Variants in PRUNE2 observed in about 807,000 individuals in gnomAD.
The protein encoded by PRUNE2 is prune homolog 2 with BCH domain.
PRUNE2 carries 164 observed loss-of-function variants against 252.0 expected under a neutral mutation model. That is an observed-to-expected ratio of 0.65 (90% CI 0.57 to 0.74). The LOEUF is 0.74. Ranked by LOEUF, PRUNE2 falls within the 30% of genes least tolerant of loss-of-function variation. PRUNE2 has a pLI of 0.00. For synonymous variants in PRUNE2, 1,292 were observed against 1,350.2 expected (o/e 0.96, Z 0.94); for missense variants, 3,495 against 3,711.0 (o/e 0.94, Z 1.51).
intron 6 of PRUNE2, among the ~76,000 whole-genome samples, chr9:76,792,968 AG>A (rs1001880299): frequency 1.3e-5 from 2 of 152,192 alleles, no homozygotes; most frequent in African/African-American, 2.4e-5. Flanking sequence ...TGTCCCTGAA[AG>A]GGGGGGCTTA....
intron 1 of PRUNE2, among the ~76,000 whole-genome samples, chr9:76,870,353 T>C (rs1355073238): frequency 6.6e-6 from 1 of 151,674 alleles, no homozygotes; most frequent in African/African-American, 2.4e-5. Context: ...GTTCCCTCTT[T>C]AGAGCCTCAG....
At chr9:76,902,904 G>C (rs1489042737) in intron 1 of PRUNE2, among the ~76,000 whole-genome samples, 2 of 152,146 alleles carry the variant, frequency 1.3e-5, no homozygotes, top group Non-Finnish European at 2.9e-5. Flanking sequence ...GGAGATTTAG[G>C]GAAAAGGAGG....
intron 1 of PRUNE2, chr9:76,863,389 C>G (rs548074104): frequency 6.6e-6 from 1 of 152,092 alleles, no homozygotes; most frequent in East Asian, 1.9e-4. Context: ...TATATGGACA[C>G]AAAAACATTA....
chr9:76,889,612 G>A (rs1037550126), intron 1 of PRUNE2, among the ~76,000 whole-genome samples: 4 of 152,056 alleles, frequency 2.6e-5, no homozygotes, highest in East Asian at 1.9e-4. Context: ...GACCCACCTC[G>A]TCTGGCCAAA....
At chr9:76,858,696 G>C (rs562445367) in intron 1 of PRUNE2, among the ~76,000 whole-genome samples, 4 of 150,722 alleles carry the variant, frequency 2.7e-5, no homozygotes, top group African/African-American at 9.8e-5. Context: ...ACCATGGCAC[G>C]TGTATACCTA....
At chr9:76,789,639 T>C (rs183412992) in intron 6 of PRUNE2, among the ~76,000 whole-genome samples, 2 of 152,278 alleles carry the variant, frequency 1.3e-5, no homozygotes, top group East Asian at 1.9e-4. Context: ...TTCAATTAGA[T>C]ACCACCAAGC....
chr9:76,710,606 T>G lies in PRUNE2; in HGVS notation c.1668A>C (p.Ser556=). The G allele has an allele frequency of 1.2e-6, 2 of 1,613,556 alleles. No homozygotes were observed. The highest frequency in any genetic ancestry group is 1.7e-6 in the Non-Finnish European group (2 of 1,179,726). ...CCACAAGGCTATCTTTGCCAGCCCCTGACAAAAGTGAACTGGATGAATAAT... is the reference window on the plus strand; with the variant it reads ...CCACAAGGCTATCTTTGCCAGCCCCGGACAAAAGTGAACTGGATGAATAAT... ...MSNYSSSSLL[S]GAGKDSLVEH... The change falls in exon 8 of 19, where the codon TCA becomes TCC. Residue 556 remains serine, a synonymous_variant. Transcript: ENST00000376718.
At chr9:76,779,833 C>T (rs1339794253) in intron 6 of PRUNE2, 1 of 152,204 alleles carries the variant, frequency 6.6e-6, no homozygotes, top group African/African-American at 2.4e-5. Flanking sequence ...GTCCCATTAT[C>T]ACCATATGTC....
At chr9:76,838,378 C>G (rs1274216492) in intron 4 of PRUNE2, among the ~76,000 whole-genome samples, 6 of 151,960 alleles carry the variant, frequency 3.9e-5, no homozygotes, top group African/African-American at 1.5e-4. Context: ...GGCATGGTGG[C>G]TCATGTCTGT....
At chr9:76,747,729 C>T (rs948820751) in intron 6 of PRUNE2, among the ~76,000 whole-genome samples, 1 of 152,216 alleles carries the variant, frequency 6.6e-6, no homozygotes, top group East Asian at 1.9e-4. Context: ...ACAAATCCCA[C>T]TGTGGCAGTT....
intron 6 of PRUNE2, among the ~76,000 whole-genome samples, chr9:76,766,825 T>C (rs78710156): frequency 0.023 from 3,524 of 152,304 alleles, 60 homozygotes; most frequent in Middle Eastern, 0.027. Flanking sequence ...TGTGAGGGCT[T>C]TCTCTCCAAA....
intron 4 of PRUNE2, among the ~76,000 whole-genome samples, chr9:76,834,444 A>C (rs2132173487): frequency 6.6e-6 from 1 of 152,306 alleles, no homozygotes; most frequent in African/African-American, 2.4e-5. Context: ...AAATAATCAC[A>C]ATTAAAAATC....
intron 6 of PRUNE2, among the ~76,000 whole-genome samples, chr9:76,764,011 C>T (rs553652495): frequency 3.9e-5 from 6 of 152,296 alleles, no homozygotes; most frequent in African/African-American, 1.4e-4. Flanking sequence ...ACCTGTGGAT[C>T]TCAACTTCGT....
At chr9:76,772,273 G>T (rs2053195877) in intron 6 of PRUNE2, among the ~76,000 whole-genome samples, 1 of 152,118 alleles carries the variant, frequency 6.6e-6, no homozygotes, top group Non-Finnish European at 1.5e-5. Context: ...CTACTGGTAT[G>T]GTGTGGCTTT....
intron 6 of PRUNE2, among the ~76,000 whole-genome samples, chr9:76,780,778 G>A (rs1180708610): frequency 2.6e-5 from 4 of 152,186 alleles, no homozygotes; most frequent in Non-Finnish European, 5.9e-5. Context: ...TGTGGTAGGT[G>A]TTTCCCACAA....
chr9:76,722,609 C>T (rs929165637), intron 6 of PRUNE2, among the ~76,000 whole-genome samples: 2 of 152,102 alleles, frequency 1.3e-5, no homozygotes, highest in African/African-American at 2.4e-5. Flanking sequence ...TCTTCATTTA[C>T]GTCAATAGTA....
chr9:76,812,014 G>A (rs954541046), intron 6 of PRUNE2, among the ~76,000 whole-genome samples: 3 of 152,212 alleles, frequency 2.0e-5, no homozygotes, highest in Non-Finnish European at 4.4e-5. Context: ...AAAGGAAAGA[G>A]GGGAAGTGAT....
At chr9:76,699,171 T>C (rs965600605) in intron 9 of PRUNE2, among the ~76,000 whole-genome samples, 2 of 152,098 alleles carry the variant, frequency 1.3e-5, no homozygotes. Flanking sequence ...TCCTTGCTCA[T>C]ATCTATGGAA....
chr9:76,884,274 C>T (rs536702515), intron 1 of PRUNE2, among the ~76,000 whole-genome samples: 19 of 152,238 alleles, frequency 1.2e-4, no homozygotes, highest in South Asian at 2.1e-4. Flanking sequence ...ACAACATAAT[C>T]GGGTGGGGGC....
Sources: allele counts gnomAD v4.1 joint callset (sites outside exome capture counted in the v4.1 genomes callset), GRCh38; gene constraint gnomAD v4.1.1; transcripts MANE v1.5; gene names NCBI Gene and HGNC (gene_info 2026-07-23, HGNC 2026-07-21).